The following PCDH9 variants were observed in gnomAD, a reference collection of about 807,000 sequenced individuals.
PCDH9 encodes the protein protocadherin-9.
A neutral mutation model predicts 70.6 loss-of-function variants in PCDH9; 24 were observed. That is an observed-to-expected ratio of 0.34 (90% confidence interval 0.25 to 0.48). The LOEUF (loss-of-function observed/expected upper bound fraction) is 0.48, where lower values mean the gene tolerates loss of function less well. Among genes scored for constraint, PCDH9 ranks in the 20% least tolerant of loss-of-function variants. PCDH9 has a pLI of 0.99. For synonymous variants in PCDH9, 562 were observed against 558.5 expected (o/e 1.01, Z -0.09); for missense variants, 1,281 against 1,503.6 (o/e 0.85, Z 2.45).
At chr13:66,457,103 T>C (rs938679975) in intron 4 of PCDH9, among the ~76,000 whole-genome samples, 3 of 152,134 alleles carry the variant, frequency 2.0e-5, no homozygotes, top group Middle Eastern at 3.2e-3. Context: ...AAGGGAGGTA[T>C]TGCAATCTCA....
At chr13:66,965,114 A>G (rs946678429) in intron 2 of PCDH9, among the ~76,000 whole-genome samples, 2 of 152,074 alleles carry the variant, frequency 1.3e-5, no homozygotes, top group Non-Finnish European at 2.9e-5. Context: ...AAAATAAAAT[A>G]ATTATGTTAT....
At chr13:67,088,511 A>C (rs1594494549) in intron 2 of PCDH9, among the ~76,000 whole-genome samples, 1 of 152,164 alleles carries the variant, frequency 6.6e-6, no homozygotes. Context: ...CAAAAGTCGT[A>C]AGAAAATCCT....
chr13:66,675,667 C>T (rs1407594359), intron 3 of PCDH9, among the ~76,000 whole-genome samples: 2 of 152,060 alleles, frequency 1.3e-5, no homozygotes, highest in Admixed American at 6.6e-5. Context: ...ATGATGTCTG[C>T]CTTGTAGGAT....
chr13:66,373,246 A>G lies in PCDH9; in HGVS notation c.3341-68218T>C, dbSNP rs1211997027. On this transcript the variant is annotated intron_variant, in intron 4 of 4. Coordinates refer to ENST00000377865, the MANE Select transcript of PCDH9 (RefSeq NM_203487.3). ...ATAAGACACAAAAAGACAAATACCA[A>G]GTGATTTCATTTATGTGAAATCCAG... Among the ~76,000 whole-genome samples, 4 of 152,118 alleles carry G rather than the reference A, an allele frequency of 2.6e-5. No individual in the cohort carries two copies. The East Asian group carries it at 7.7e-4, about 29-fold the overall frequency.
At chr13:66,421,827 A>G (rs1957572922) in intron 4 of PCDH9, among the ~76,000 whole-genome samples, 2 of 152,210 alleles carry the variant, frequency 1.3e-5, no homozygotes, top group Admixed American at 1.3e-4. Flanking sequence ...TGAAATGTTA[A>G]CAGGCTAAAT....
At position 66,785,431 on chromosome 13, in the gene PCDH9, A is replaced by AT. The variant is rs569989851; in HGVS notation, c.3138+118072dup. On this transcript the variant is annotated intron_variant, in intron 3 of 4. Coordinates refer to ENST00000377865, the MANE Select transcript of PCDH9 (RefSeq NM_203487.3). ...CTTTACTCAAAAAGGTCACTTAATG[A>AT]TTTTTTTTTATTTTACTGACGATAA... Among the ~76,000 whole-genome samples, 1,350 of 151,396 alleles carry AT rather than the reference A, an allele frequency of 8.9e-3. 12 individuals carry two copies. Among genetic ancestry groups the AT allele is most frequent in the Non-Finnish European group, 0.012 (822 of 67,780 alleles).
At chr13:66,980,731 T>TTC (rs1333469789) in intron 2 of PCDH9, among the ~76,000 whole-genome samples, 45 of 29,438 alleles carry the variant, frequency 1.5e-3, no homozygotes, top group African/African-American at 7.3e-3. Flanking sequence ...TTTTTCTTTG[T>TTC]TTTTTTTTTT....
intron 2 of PCDH9, among the ~76,000 whole-genome samples, chr13:67,178,890 G>T (rs934729234): frequency 6.6e-6 from 1 of 151,996 alleles, no homozygotes; most frequent in African/African-American, 2.4e-5. Flanking sequence ...CAAACAGAAT[G>T]ACAAATCAGT....
intron 2 of PCDH9, among the ~76,000 whole-genome samples, chr13:67,046,162 T>C (rs2085217960): frequency 6.6e-6 from 1 of 152,154 alleles, no homozygotes; most frequent in Non-Finnish European, 1.5e-5. Flanking sequence ...TTATTATAAA[T>C]TAAGGTACCC....
At chr13:66,398,555 GA>G (rs964554319) in intron 4 of PCDH9, among the ~76,000 whole-genome samples, 2 of 151,936 alleles carry the variant, frequency 1.3e-5, no homozygotes, top group Non-Finnish European at 1.5e-5. Flanking sequence ...CATTAATTCT[GA>G]AAAAAGTTTA....
At chr13:66,787,652 C>T (rs2080101285) in intron 3 of PCDH9, among the ~76,000 whole-genome samples, 1 of 152,010 alleles carries the variant, frequency 6.6e-6, no homozygotes, top group Non-Finnish European at 1.5e-5. Context: ...AACACTGAAT[C>T]TGCATTTGCT....
At chr13:67,056,473 C>T (rs113381331) in intron 2 of PCDH9, among the ~76,000 whole-genome samples, 6 of 152,232 alleles carry the variant, frequency 3.9e-5, no homozygotes, top group African/African-American at 1.4e-4. Flanking sequence ...GATAAAGAAG[C>T]TTTCTTGATA....
intron 2 of PCDH9, among the ~76,000 whole-genome samples, chr13:67,183,817 A>G (rs2088679143): frequency 6.6e-6 from 1 of 152,202 alleles, no homozygotes; most frequent in African/African-American, 2.4e-5. Context: ...TTTTTGCATG[A>G]AATTTACATG....
At chr13:66,452,165 C>A (rs77133214) in intron 4 of PCDH9, among the ~76,000 whole-genome samples, 1,903 of 152,178 alleles carry the variant, frequency 0.013, 27 homozygotes, top group East Asian at 0.06. Context: ...AGAAGAGAAG[C>A]ATGTAGGTAA....
intron 3 of PCDH9, among the ~76,000 whole-genome samples, chr13:66,847,614 T>C (rs1002684651): frequency 1.3e-5 from 2 of 152,214 alleles, no homozygotes; most frequent in African/African-American, 4.8e-5. Flanking sequence ...CTTTCACCTA[T>C]TAACTTAAAA....
At chr13:66,793,489 C>A (rs2139323738) in intron 3 of PCDH9, among the ~76,000 whole-genome samples, 2 of 152,124 alleles carry the variant, frequency 1.3e-5, no homozygotes, top group East Asian at 3.9e-4. Context: ...TTTAGTGGTA[C>A]CACTCACTTA....
At position 67,078,781 on chromosome 13, in the gene PCDH9, T is replaced by C. The variant is rs1172913339; in HGVS notation, c.3036+146624A>G. Among the ~76,000 whole-genome samples the C allele has an allele frequency of 2.6e-5, 4 of 152,336 alleles. No homozygotes were observed. The South Asian group carries it at 8.3e-4, about 32-fold the overall frequency. On this transcript the variant is annotated intron_variant, in intron 2 of 4. Coordinates refer to ENST00000377865, the MANE Select transcript of PCDH9 (RefSeq NM_203487.3). ...AAGAAACACAGCAGCTTGGAACTTC[T>C]AGAAGTTCAGCAGCTATTTAATGTA...
At chr13:66,456,383 T>C (rs1196959678) in intron 4 of PCDH9, among the ~76,000 whole-genome samples, 1 of 152,040 alleles carries the variant, frequency 6.6e-6, no homozygotes, top group Non-Finnish European at 1.5e-5. Flanking sequence ...TGCCTCAATC[T>C]CCTGAGCGGC....
intron 4 of PCDH9, among the ~76,000 whole-genome samples, chr13:66,354,263 A>G (rs1368627322): frequency 6.6e-6 from 1 of 152,182 alleles, no homozygotes; most frequent in East Asian, 1.9e-4. Flanking sequence ...ATATATTTAA[A>G]GAGAGATATT....
Sources: gnomAD v4.1 joint callset for allele counts (sites outside exome capture counted in the v4.1 genomes callset) on GRCh38, gnomAD v4.1.1 for gene constraint, MANE v1.5 for transcripts, NCBI Gene and HGNC (gene_info 2026-07-23, HGNC 2026-07-21) for gene names.